The following SRRM3 variants were observed in gnomAD, a reference collection of about 807,000 sequenced individuals.
The protein encoded by SRRM3 is serine/arginine repetitive matrix 3, also known as serine/arginine repetitive matrix protein 3.
Under a neutral mutation model 66.2 loss-of-function variants are expected in SRRM3, and 27 were observed. That is an observed-to-expected ratio of 0.41 (90% CI 0.30 to 0.56). The LOEUF (loss-of-function observed/expected upper bound fraction) is 0.56, where lower values mean the gene tolerates loss of function less well. Among genes scored for constraint, SRRM3 ranks in the 20% least tolerant of loss-of-function variants. The probability of loss-of-function intolerance (pLI) is 0.32; values close to 1 mark genes in which losing one functional copy is unlikely to be tolerated. For synonymous variants in SRRM3, 391 were observed against 414.9 expected (o/e 0.94, Z 0.70); for missense variants, 918 against 991.9 (o/e 0.93, Z 1.00).
At chr7:76,275,946 GGTGT>G (rs1181320513) in intron 11 of SRRM3, among the ~76,000 whole-genome samples, 1 of 151,998 alleles carries the variant, frequency 6.6e-6, no homozygotes, top group Non-Finnish European at 1.5e-5. Context: ...CAGACATGGC[GGTGT>G]GTACCTGTAG....
At chr7:76,204,119 C>T (rs1301220228) in intron 1 of SRRM3, among the ~76,000 whole-genome samples, 2 of 152,150 alleles carry the variant, frequency 1.3e-5, no homozygotes, top group Non-Finnish European at 2.9e-5. Flanking sequence ...ACTGCTCCTT[C>T]CTTTCTTAGT....
In SRRM3 at chr7:76,281,421, T is replaced by C. The variant is rs1484456383; in HGVS notation, c.1009-20T>C. ...CTCCCTCTCCCCCCTCCGTGCCCTG[T>C]CTGCCTCTCTCCCCGTCAGAAGCCC... On this transcript the variant is annotated intron_variant, in intron 11 of 14. Transcript: ENST00000611745. 1.6e-6 allele frequency: 2 copies of C among 1,226,444 alleles called. No individual in the cohort carries two copies. Among genetic ancestry groups the C allele is most frequent in the Non-Finnish European group, 1.0e-6 (1 of 977,252 alleles). The allele number at this position is 1,226,444 out of a possible 1,614,324, so 76.0% of individuals were successfully genotyped here. A position where few individuals can be genotyped will look rare whatever the true frequency, so the allele number is the denominator to read the frequency against.
intron 1 of SRRM3, among the ~76,000 whole-genome samples, chr7:76,204,039 C>A (rs1252191597): frequency 1.3e-5 from 2 of 152,136 alleles, no homozygotes; most frequent in African/African-American, 4.8e-5. Flanking sequence ...ACAGTCCCAT[C>A]TGCTCACTGC....
chr7:76,221,965 T>C (rs1285815347), intron 1 of SRRM3, among the ~76,000 whole-genome samples: 1 of 152,156 alleles, frequency 6.6e-6, no homozygotes, highest in Non-Finnish European at 1.5e-5. Context: ...TGCGGGTACT[T>C]ATATTAACCC....
chr7:76,223,588 A>T (rs1050201061), intron 1 of SRRM3, among the ~76,000 whole-genome samples: 7 of 152,158 alleles, frequency 4.6e-5, no homozygotes, highest in Non-Finnish European at 7.4e-5. Flanking sequence ...ACCTGGTTTC[A>T]TGGGTATTTA....
In SRRM3 at chr7:76,266,499, T is replaced by A. The variant is rs1316343986; in HGVS notation, c.831-759T>A. Among the ~76,000 whole-genome samples, 5 of 108,400 alleles carry A rather than the reference T, an allele frequency of 4.6e-5. No individual in the cohort carries two copies. In the East Asian group the frequency reaches 1.3e-3, roughly 27 times the overall value. The allele number at this position is 108,400 out of a possible 152,430, so 71.1% of individuals were successfully genotyped here. A position where few individuals can be genotyped will look rare whatever the true frequency, so the allele number is the denominator to read the frequency against. On this transcript the variant is annotated intron_variant, in intron 10 of 14. Coordinates refer to ENST00000611745, the MANE Select transcript of SRRM3 (RefSeq NM_001110199.3). ...TTTATATATTTTATATATTTATATA[T>A]TTAATATATAAATATTTATATATTA...
At chr7:76,240,852 A>C (rs1801277050) in intron 2 of SRRM3, among the ~76,000 whole-genome samples, 1 of 151,360 alleles carries the variant, frequency 6.6e-6, no homozygotes, top group African/African-American at 2.4e-5. Context: ...ACTGCCCCCT[A>C]TTCCCCCTTC....
intron 8 of SRRM3, among the ~76,000 whole-genome samples, 163 bp from the exon 9 acceptor site, chr7:76,264,602 G>A (rs1231309226): frequency 2.0e-5 from 3 of 152,170 alleles, no homozygotes; most frequent in South Asian, 4.1e-4. Flanking sequence ...GAGTGAAAGG[G>A]ACAAAGGGGT....
At chr7:76,242,191 G>T (rs1327865438) in intron 2 of SRRM3, among the ~76,000 whole-genome samples, 2 of 152,142 alleles carry the variant, frequency 1.3e-5, no homozygotes, top group Non-Finnish European at 2.9e-5. Context: ...TTTTGTGGAA[G>T]AAAATTTTTC....
chr7:76,242,211 G>A (rs993940900), intron 2 of SRRM3, among the ~76,000 whole-genome samples: 2 of 152,170 alleles, frequency 1.3e-5, no homozygotes, highest in Non-Finnish European at 2.9e-5. Flanking sequence ...CTGGCTGGGC[G>A]AGGTGGCTCA....
chr7:76,248,329 C>A lies in SRRM3; in HGVS notation c.335+40C>A, dbSNP rs782807845. ...GTGTGGGGATGAGGGAGAGGGGGTGCAGGCTCAGGCAGCAGCTGGGTACTA... is the reference window on the plus strand; with the variant it reads ...GTGTGGGGATGAGGGAGAGGGGGTGAAGGCTCAGGCAGCAGCTGGGTACTA... On this transcript the variant is annotated intron_variant, in intron 3 of 14. Transcript: ENST00000611745. 2.7e-6 allele frequency: 4 copies of A among 1,502,746 alleles called. No individual in the cohort carries two copies. The South Asian group carries it at 4.6e-5, about 17-fold the overall frequency. The allele number at this position is 1,502,746 out of a possible 1,614,324, so 93.1% of individuals were successfully genotyped here. A position where few individuals can be genotyped will look rare whatever the true frequency, so the allele number is the denominator to read the frequency against.
At chr7:76,233,643 T>G (rs1245915206) in intron 1 of SRRM3, among the ~76,000 whole-genome samples, 1 of 152,030 alleles carries the variant, frequency 6.6e-6, no homozygotes, top group Non-Finnish European at 1.5e-5. Context: ...AGCTTTGGTC[T>G]CTGAGTCCCC....
At chr7:76,216,728 T>C (rs886592681) in intron 1 of SRRM3, among the ~76,000 whole-genome samples, 6 of 152,138 alleles carry the variant, frequency 3.9e-5, no homozygotes, top group African/African-American at 7.2e-5. Flanking sequence ...TGGGAGGGGA[T>C]GACATGGAGA....
At chr7:76,261,923 C>T (rs528237383) in intron 8 of SRRM3, among the ~76,000 whole-genome samples, 7 of 151,534 alleles carry the variant, frequency 4.6e-5, no homozygotes, top group Admixed American at 3.9e-4. Flanking sequence ...AAACAGCTCG[C>T]GAGGCAGGAG....
chr7:76,217,379 A>G lies in SRRM3; in HGVS notation c.-40+15312A>G, dbSNP rs991663742. Among the ~76,000 whole-genome samples the G allele has an allele frequency of 2.6e-5, 4 of 152,182 alleles. No individual in the cohort carries two copies. The East Asian group carries it at 7.7e-4, about 29-fold the overall frequency. On this transcript the variant is annotated intron_variant, in intron 1 of 14. Coordinates refer to ENST00000611745, the MANE Select transcript of SRRM3 (RefSeq NM_001110199.3). ...TGCCCACTGCAACCTCCTTCCCCCA[A>G]GTTCAAGCGATTCTCCTGCCTCAAC...
chr7:76,258,406 G>T (rs944037740), intron 3 of SRRM3, among the ~76,000 whole-genome samples: 1 of 152,164 alleles, frequency 6.6e-6, no homozygotes, highest in Admixed American at 6.6e-5. Context: ...AGGCCAGGAG[G>T]AAGGGGCTCT....
At chr7:76,213,253 C>T (rs1457437103) in intron 1 of SRRM3, among the ~76,000 whole-genome samples, 1 of 151,862 alleles carries the variant, frequency 6.6e-6, no homozygotes, top group Admixed American at 6.6e-5. Context: ...TCAGGCAATC[C>T]ACCCGCCTCA....
chr7:76,232,088 CTT>C (rs1801029824), intron 1 of SRRM3, among the ~76,000 whole-genome samples: 1 of 152,162 alleles, frequency 6.6e-6, no homozygotes, highest in South Asian at 2.1e-4. Context: ...ATTCCTCTCT[CTT>C]GCCTCCTGTT....
At position 76,235,240 on chromosome 7, in the gene SRRM3, G is replaced by A; in HGVS notation, c.174G>A (p.Glu58=). 4 of 1,554,470 alleles carry A rather than the reference G, an allele frequency of 2.6e-6. No individual in the cohort carries two copies. Among genetic ancestry groups the A allele is most frequent in the Non-Finnish European group, 3.5e-6 (4 of 1,158,834 alleles). Residue 58 remains glutamate (E), a synonymous_variant, in exon 2 of 15, where the codon GAG becomes GAA. Coordinates refer to ENST00000611745, the MANE Select transcript of SRRM3 (RefSeq NM_001110199.3). ...KRAHREILDH[E]RKRRVELKCM... is the part of the protein sequence containing the mutation. ...CGCACCGCGAGATCCTGGACCACGA[G>A]CGCAAGCGGCGGGTGGAGCTCAAGT...
Sources: gnomAD v4.1 joint callset for allele counts (sites outside exome capture counted in the v4.1 genomes callset) on GRCh38, gnomAD v4.1.1 for gene constraint, MANE v1.5 for transcripts, NCBI Gene and HGNC (gene_info 2026-07-23, HGNC 2026-07-21) for gene names.